Variants in NRG1 observed in about 807,000 individuals in gnomAD.
NRG1 encodes the protein pro-neuregulin-1, membrane-bound isoform.
In NRG1, 18 loss-of-function variants were observed where a neutral mutation model predicts 63.8. The ratio of observed to expected loss-of-function variants is 0.28; its 90% CI spans 0.19 to 0.42. NRG1 has a LOEUF of 0.42. Among genes scored for constraint, NRG1 ranks in the 10% least tolerant of loss-of-function variants. The probability of loss-of-function intolerance (pLI) is 1.00; values close to 1 mark genes in which losing one functional copy is unlikely to be tolerated. For synonymous variants in NRG1, 302 were observed against 301.3 expected, an observed-to-expected ratio of 1.00 and a Z score of -0.02; for missense variants, 762 against 814.7, an observed-to-expected ratio of 0.94 and a Z score of 0.79.
intron 5 of NRG1, among the ~76,000 whole-genome samples, chr8:32,655,444 G>A (rs1045385640): frequency 6.6e-6 from 1 of 152,150 alleles, no homozygotes; most frequent in African/African-American, 2.4e-5. Flanking sequence ...TTGTGATAAG[G>A]ACAAAAGTGG....
chr8:31,753,899 G>A (rs1816717991), intron 1 of NRG1, among the ~76,000 whole-genome samples: 1 of 152,092 alleles, frequency 6.6e-6, no homozygotes, highest in African/African-American at 2.4e-5. Context: ...GAATGACCAG[G>A]TATGAGCAGT....
At position 31,640,049 on chromosome 8, in the gene NRG1, C is replaced by T; in HGVS notation, c.37+618C>T. The T allele has an allele frequency of 1.7e-6, 2 of 1,143,334 alleles. No individual in the cohort carries two copies. Among genetic ancestry groups the T allele is most frequent in the Non-Finnish European group, 2.1e-6 (2 of 932,828 alleles). The allele number at this position is 1,143,334 out of a possible 1,614,324, so 70.8% of individuals were successfully genotyped here. On this transcript the variant is annotated intron_variant, in intron 1 of 10. Coordinates refer to the NRG1 transcript ENST00000519301. This position sits in a 1 kb window ranked among gnomAD's most constrained non-coding sequence, Gnocchi z 6.3. ...GGCCCCCGGGCCCAGCGCCCCGGCT[C>T]CGCCGCCCGCTCGTCGCCGCCGCTG...
intron 1 of NRG1, among the ~76,000 whole-genome samples, chr8:32,282,608 G>A (rs1213173334): frequency 6.6e-6 from 1 of 152,204 alleles, no homozygotes; most frequent in Non-Finnish European, 1.5e-5. Context: ...TCACCAAGCA[G>A]TGAGAGCAGC....
intron 1 of NRG1, among the ~76,000 whole-genome samples, chr8:32,374,483 G>T (rs141878696): frequency 1.3e-5 from 2 of 152,148 alleles, no homozygotes; most frequent in South Asian, 2.1e-4. Context: ...TATCTGTGTC[G>T]CACTCACTCT....
At chr8:32,098,794 A>G (rs1422680454) in intron 1 of NRG1, 1 of 152,190 alleles carries the variant, frequency 6.6e-6, no homozygotes, top group Non-Finnish European at 1.5e-5. Flanking sequence ...GTTGCAGAAG[A>G]TGATGAGGTA....
At chr8:32,733,986 A>G (rs1020430814) in intron 6 of NRG1, among the ~76,000 whole-genome samples, 2 of 152,210 alleles carry the variant, frequency 1.3e-5, no homozygotes, top group African/African-American at 4.8e-5. Context: ...AAATAAAAGA[A>G]CTAAGTTAAA....
chr8:32,381,886 A>C (rs578250273), intron 1 of NRG1, among the ~76,000 whole-genome samples: 157 of 152,350 alleles, frequency 1.0e-3, no homozygotes, highest in African/African-American at 3.5e-3. Flanking sequence ...ACTGAAAGTA[A>C]ATATAGACAA....
chr8:32,760,317 T>A (rs1172030437), exon 11 of NRG1: 3 of 1,614,042 alleles, frequency 1.9e-6, no homozygotes, highest in Admixed American at 3.3e-5. Flanking sequence ...GACGTCTTAA[T>A]GGCACAGGAG....
intron 1 of NRG1, among the ~76,000 whole-genome samples, chr8:32,361,794 C>T (rs1807245439): frequency 6.6e-6 from 1 of 152,200 alleles, no homozygotes; most frequent in African/African-American, 2.4e-5. Context: ...CATGGCCACC[C>T]AGGCGCATGT....
chr8:32,303,352 T>TA (rs1261522151), intron 1 of NRG1, among the ~76,000 whole-genome samples: 275 of 150,448 alleles, frequency 1.8e-3, no homozygotes, highest in African/African-American at 5.2e-3. Flanking sequence ...TTAAAAACAT[T>TA]AAAAAAAAAC....
chr8:31,918,429 C>G (rs1055967872), intron 1 of NRG1, among the ~76,000 whole-genome samples: 2 of 152,140 alleles, frequency 1.3e-5, no homozygotes, highest in African/African-American at 2.4e-5. Flanking sequence ...TGAATTTTGT[C>G]AAAGGCCTTT....
exon 3 of NRG1, chr8:32,605,674 G>C: frequency 6.2e-7 from 1 of 1,612,910 alleles, no homozygotes; most frequent in African/African-American, 1.3e-5. Flanking sequence ...CACCATCGTG[G>C]AATCAAACGG....
chr8:31,810,430 T>G (rs899632544), intron 1 of NRG1, among the ~76,000 whole-genome samples: 1 of 152,208 alleles, frequency 6.6e-6, no homozygotes, highest in African/African-American at 2.4e-5. Context: ...TCCTGCTTAC[T>G]TCTCTGACTT....
intron 1 of NRG1, among the ~76,000 whole-genome samples, chr8:32,019,163 A>G (rs957947025): frequency 1.3e-5 from 2 of 152,256 alleles, no homozygotes; most frequent in South Asian, 4.1e-4. Context: ...CAGTGGTGCA[A>G]TCTTGGCTCA....
At chr8:32,433,556 A>G (rs1300087265) in intron 1 of NRG1, among the ~76,000 whole-genome samples, 1 of 152,218 alleles carries the variant, frequency 6.6e-6, no homozygotes, top group Admixed American at 6.5e-5. Context: ...TGATTTCTCA[A>G]TTCCACAAAA....
At chr8:32,115,439 G>A (rs1225807393) in intron 1 of NRG1, among the ~76,000 whole-genome samples, 3 of 151,966 alleles carry the variant, frequency 2.0e-5, no homozygotes, top group African/African-American at 7.2e-5. Context: ...AAAATAAAAT[G>A]TTATTAAGAA....
chr8:32,033,456 T>G (rs1398686145), intron 1 of NRG1, among the ~76,000 whole-genome samples: 1 of 152,208 alleles, frequency 6.6e-6, no homozygotes, highest in Non-Finnish European at 1.5e-5. Flanking sequence ...TATATAAATT[T>G]TAAAGTAGTT....
intron 1 of NRG1, among the ~76,000 whole-genome samples, chr8:32,456,189 C>A (rs1017894040): frequency 6.6e-6 from 1 of 152,108 alleles, no homozygotes; most frequent in Admixed American, 6.5e-5. Flanking sequence ...TATGCACAAC[C>A]GAATTTTCAT....
exon 6 of NRG1, chr8:32,727,980 T>G (rs115604365): frequency 6.2e-7 from 1 of 1,614,112 alleles, no homozygotes; most frequent in East Asian, 2.2e-5. Context: ...GGACAAGCCA[T>G]CTTGTAAAAT....
Sources: allele counts gnomAD v4.1 joint callset (sites outside exome capture counted in the v4.1 genomes callset), GRCh38; gene constraint gnomAD v4.1.1; non-coding constraint Gnocchi (gnomAD v3.1); transcripts MANE v1.5; gene names NCBI Gene and HGNC (gene_info 2026-07-23, HGNC 2026-07-21).